The following SPAG9 variants were observed in gnomAD, a reference collection of about 807,000 sequenced individuals.
SPAG9 encodes C-Jun-amino-terminal kinase-interacting protein 4.
In SPAG9, 35 loss-of-function variants were observed where a neutral mutation model predicts 166.5. The observed-to-expected ratio is 0.21, with a 90% CI of 0.16 to 0.28. The LOEUF is 0.28. Ranked by LOEUF, SPAG9 falls within the 10% of genes least tolerant of loss-of-function variation. SPAG9 has a pLI of 1.00. For synonymous variants in SPAG9, 534 were observed against 565.5 expected (o/e 0.94, Z 0.79); for missense variants, 1,235 against 1,603.3 (o/e 0.77, Z 3.92).
chr17:51,051,042 AAC>A (rs779984688), intron 3 of SPAG9, among the ~76,000 whole-genome samples: 4 of 150,770 alleles, frequency 2.7e-5, no homozygotes, highest in African/African-American at 5.0e-5. Flanking sequence ...ATAAAAAAAA[AAC>A]AAAAAGAAAA....
chr17:51,033,572 C>T (rs1459488904), intron 5 of SPAG9, among the ~76,000 whole-genome samples: 1 of 152,198 alleles, frequency 6.6e-6, no homozygotes, highest in African/African-American at 2.4e-5. Context: ...GGCTGAAGTG[C>T]CGTGGCTATT....
At chr17:51,059,259 C>A (rs989349799) in intron 2 of SPAG9, among the ~76,000 whole-genome samples, 3 of 152,098 alleles carry the variant, frequency 2.0e-5, no homozygotes, top group African/African-American at 7.2e-5. Flanking sequence ...TAGCCCCAGC[C>A]CACCTCAGTT....
intron 14 of SPAG9, 32 bp downstream of exon 14, chr17:50,999,629 G>A: frequency 1.3e-6 from 2 of 1,564,022 alleles, no homozygotes; most frequent in Non-Finnish European, 1.8e-6. Context: ...TGTCTCATGT[G>A]CTGTCTAACA....
At chr17:51,010,112 A>G (rs2045404412) in intron 9 of SPAG9, among the ~76,000 whole-genome samples, 1 of 152,136 alleles carries the variant, frequency 6.6e-6, no homozygotes, top group Non-Finnish European at 1.5e-5. Flanking sequence ...TTTCATTTGG[A>G]TTTTAACACT....
intron 24 of SPAG9, among the ~76,000 whole-genome samples, chr17:50,983,583 C>T (rs1407444434): frequency 6.6e-6 from 1 of 152,230 alleles, no homozygotes; most frequent in Non-Finnish European, 1.5e-5. Context: ...GTCTCCCCAT[C>T]GTGCTCTTCT....
In SPAG9 at chr17:50,995,046, C is replaced by A; in HGVS notation, c.2226+11G>T. The A allele has an allele frequency of 1.9e-6, 3 of 1,604,548 alleles. No homozygotes were observed. The highest frequency in any genetic ancestry group is 1.7e-6 in the Non-Finnish European group (2 of 1,174,086). On this transcript the variant is annotated intron_variant, in intron 18 of 29. Transcript: ENST00000262013. The stretch of plus-strand genomic sequence containing the variant: ...TCATAAACCAGGTCAAATGTTAGTA[C>A]ACACACTTACCTTAAGTTCCTGATC...
At chr17:51,037,410 G>A (rs1401100655) in intron 5 of SPAG9, among the ~76,000 whole-genome samples, 2 of 151,718 alleles carry the variant, frequency 1.3e-5, no homozygotes, top group Admixed American at 1.3e-4. Flanking sequence ...GATCACTTGA[G>A]GTCAAGAGCC....
intron 9 of SPAG9, among the ~76,000 whole-genome samples, chr17:51,012,223 T>A (rs2045515092): frequency 6.6e-6 from 1 of 152,156 alleles, no homozygotes; most frequent in South Asian, 2.1e-4. Flanking sequence ...TATAATTTGA[T>A]GTAAACTAAA....
intron 1 of SPAG9, among the ~76,000 whole-genome samples, chr17:51,117,442 T>C (rs1040708950): frequency 5.3e-5 from 8 of 152,110 alleles, no homozygotes. Context: ...GCCGGCACGG[T>C]GGCTCATGCC....
chr17:51,032,795 G>A (rs1351839237), intron 5 of SPAG9, among the ~76,000 whole-genome samples: 2 of 152,010 alleles, frequency 1.3e-5, no homozygotes, highest in Admixed American at 6.5e-5. Context: ...CTAGCTGGGC[G>A]TTGTGGCGGG....
Position 51,080,845 on chromosome 17 carries a change from C to G in SPAG9, c.304-1141G>C, listed in dbSNP as rs534719829. Among the ~76,000 whole-genome samples, 154 of 143,624 alleles carry G rather than the reference C, an allele frequency of 1.1e-3. 1 individual carries two copies. Among genetic ancestry groups the G allele is most frequent in the Middle Eastern group, 3.8e-3 (1 of 266 alleles). 94.2% of individuals were successfully genotyped at this position (143,624 alleles called of 152,430 possible). On this transcript the variant is annotated intron_variant, in intron 1 of 29. Transcript: ENST00000262013. ...GAAGTTGCAGTGAGCCGAGATCGCA[C>G]CACTGCACTCCAGCCTGGGCTACAG...
At chr17:51,057,973 T>C (rs964590974) in intron 2 of SPAG9, among the ~76,000 whole-genome samples, 7 of 152,238 alleles carry the variant, frequency 4.6e-5, no homozygotes, top group African/African-American at 1.7e-4. Flanking sequence ...TATTTAATAA[T>C]TTCAAAATAA....
intron 2 of SPAG9, among the ~76,000 whole-genome samples, chr17:51,063,878 T>C (rs536903830): frequency 1.3e-5 from 2 of 151,772 alleles, no homozygotes; most frequent in South Asian, 4.2e-4. Context: ...CCAGACTCCA[T>C]CTCAAAAATA....
intron 1 of SPAG9, among the ~76,000 whole-genome samples, chr17:51,105,792 C>A (rs1356003492): frequency 6.6e-6 from 1 of 151,810 alleles, no homozygotes; most frequent in African/African-American, 2.4e-5. Context: ...ATGGCGTGAA[C>A]CCGGGAGATG....
At chr17:51,119,078 A>G (rs1005310938) in intron 1 of SPAG9, among the ~76,000 whole-genome samples, 1 of 152,070 alleles carries the variant, frequency 6.6e-6, no homozygotes. Flanking sequence ...CAAATTCAAT[A>G]GCATTCCTTT....
At chr17:51,041,982 G>A (rs764904904) in intron 4 of SPAG9, among the ~76,000 whole-genome samples, 3 of 152,152 alleles carry the variant, frequency 2.0e-5, no homozygotes, top group Non-Finnish European at 2.9e-5. Flanking sequence ...TTAACCATAC[G>A]TAGCTTAGCC....
intron 2 of SPAG9, among the ~76,000 whole-genome samples, chr17:51,067,253 T>C (rs908553438): frequency 2.6e-5 from 4 of 152,222 alleles, no homozygotes; most frequent in Non-Finnish European, 5.9e-5. Flanking sequence ...GAACTCAGCT[T>C]ACTCAAGGCC....
intron 1 of SPAG9, among the ~76,000 whole-genome samples, chr17:51,082,467 C>A (rs1325791706): frequency 1.3e-5 from 2 of 151,110 alleles, no homozygotes; most frequent in African/African-American, 4.9e-5. Flanking sequence ...TTAACCTCAT[C>A]CAACATGCTA....
chr17:51,020,337 G>A, intron 7 of SPAG9, 79 bp from the exon 8 acceptor site: 1 of 887,978 alleles, frequency 1.1e-6, no homozygotes, highest in East Asian at 2.6e-5. Flanking sequence ...GTTTTTATGG[G>A]TGTAAAGGTA....
Sources: allele counts gnomAD v4.1 joint callset (sites outside exome capture counted in the v4.1 genomes callset), GRCh38; gene constraint gnomAD v4.1.1; transcripts MANE v1.5; gene names NCBI Gene and HGNC (gene_info 2026-07-23, HGNC 2026-07-21).